UBE2W: variants seen among roughly 807,000 people sequenced by gnomAD.
UBE2W encodes ubiquitin conjugating enzyme E2 W.
In UBE2W, 18 loss-of-function variants were observed where a neutral mutation model predicts 27.2. The ratio of observed to expected loss-of-function variants is 0.66; its 90% CI spans 0.46 to 0.98. The LOEUF is 0.98. Ranked by LOEUF, UBE2W falls within the 50% of genes least tolerant of loss-of-function variation. The pLI, the probability that UBE2W is intolerant of heterozygous loss-of-function variation, is 0.00. For missense variants in UBE2W, 90 were observed against 180.2 expected, an observed-to-expected ratio of 0.50 and a Z score of 2.87; for synonymous variants, 53 against 57.2, an observed-to-expected ratio of 0.93 and a Z score of 0.33.
intron 5 of UBE2W, among the ~76,000 whole-genome samples, chr8:73,795,248 C>G (rs1808365446): frequency 6.6e-6 from 1 of 152,124 alleles, no homozygotes; most frequent in South Asian, 2.1e-4. Context: ...GGAGAGGGGC[C>G]TAATGGGGAG....
Position 73,790,357 on chromosome 8 carries a change from AC to A in UBE2W, c.*3744del, listed in dbSNP as rs1808140368. On this transcript the variant is annotated 3_prime_UTR_variant, in exon 6 of 6. Transcript: ENST00000602593. ...GGCCAGTTGGTGCAGATTAAAAGAC[AC>A]CTTCTTCACAGACCTCAATCATGCA... 5.1e-6 allele frequency: 5 copies of A among 985,284 alleles called. No homozygotes were observed. The highest frequency in any genetic ancestry group is 6.0e-6 in the Non-Finnish European group (5 of 829,942). 61.0% of individuals were successfully genotyped at this position (985,284 alleles called of 1,614,324 possible). A position where few individuals can be genotyped will look rare whatever the true frequency, so the allele number is the denominator to read the frequency against.
intron 1 of UBE2W, among the ~76,000 whole-genome samples, chr8:73,836,110 C>T (rs2130918970): frequency 6.6e-6 from 1 of 152,302 alleles, no homozygotes; most frequent in South Asian, 2.1e-4. Context: ...TAATACAGGA[C>T]CACTGCTCCA....
chr8:73,867,842 A>G lies in UBE2W; in HGVS notation c.15+10966T>C, dbSNP rs979379453. On this transcript the variant is annotated intron_variant, in intron 1 of 5. Coordinates refer to ENST00000602593, the MANE Select transcript of UBE2W (RefSeq NM_018299.6). Reference sequence around the variant, plus strand: ...TAGTGAAATGCAAACCAAAACCACAATGAGATGCCACTTCACACTAGGATG... The same window carrying G: ...TAGTGAAATGCAAACCAAAACCACAGTGAGATGCCACTTCACACTAGGATG... 2.6e-5 allele frequency among the ~76,000 whole-genome samples: 4 copies of G among 152,164 alleles called. No individual in the cohort carries two copies. In the South Asian group the frequency reaches 6.2e-4, roughly 24 times the overall value.
chr8:73,794,177 G>T, intron 5 of UBE2W, 62 bp from the exon 6 acceptor site: 1 of 1,568,642 alleles, frequency 6.4e-7, no homozygotes, highest in Non-Finnish European at 8.7e-7. Context: ...AATTCTACAA[G>T]TCTGTTTAAT....
chr8:73,858,979 CGTGTGTGTGTGT>C (rs59095956), intron 1 of UBE2W, among the ~76,000 whole-genome samples: 4,315 of 126,006 alleles, frequency 0.034, 214 homozygotes, highest in African/African-American at 0.11. Context: ...GGGGTTTTTG[CGTGTGTGTGTGT>C]GTGTGTGTGT....
chr8:73,816,871 CA>C (rs1451489477), intron 3 of UBE2W, among the ~76,000 whole-genome samples: 2 of 151,976 alleles, frequency 1.3e-5, no homozygotes, highest in African/African-American at 4.8e-5. Context: ...TTGTCTCTAA[CA>C]AAAATACAAA....
chr8:73,863,703 A>G (rs1811624168), intron 1 of UBE2W, among the ~76,000 whole-genome samples: 1 of 151,954 alleles, frequency 6.6e-6, no homozygotes, highest in African/African-American at 2.4e-5. Context: ...GGGTGCAGTG[A>G]GCCGAGATCA....
chr8:73,839,845 C>A (rs1443447925), intron 1 of UBE2W, among the ~76,000 whole-genome samples: 1 of 149,786 alleles, frequency 6.7e-6, no homozygotes, highest in Non-Finnish European at 1.5e-5. Flanking sequence ...GATTCTCATG[C>A]CTCAGCCTCC....
chr8:73,840,345 C>T (rs1222056354), intron 1 of UBE2W, among the ~76,000 whole-genome samples: 1 of 152,184 alleles, frequency 6.6e-6, no homozygotes. Flanking sequence ...CATGAGACAC[C>T]ACATCCAGCC....
At chr8:73,877,813 C>A (rs1487719845) in intron 1 of UBE2W, among the ~76,000 whole-genome samples, 1 of 151,972 alleles carries the variant, frequency 6.6e-6, no homozygotes, top group African/African-American at 2.4e-5. Context: ...CCCTGCACAA[C>A]TACAATTGTG....
chr8:73,828,817 T>G (rs1809957502), intron 2 of UBE2W, among the ~76,000 whole-genome samples: 1 of 152,192 alleles, frequency 6.6e-6, no homozygotes, highest in South Asian at 2.1e-4. Flanking sequence ...AATAAATTAT[T>G]GTTGACTATA....
chr8:73,844,027 T>A (rs1381096096), intron 1 of UBE2W, among the ~76,000 whole-genome samples: 1 of 152,104 alleles, frequency 6.6e-6, no homozygotes, highest in Non-Finnish European at 1.5e-5. Context: ...TGCCTGAGAA[T>A]CTCCCAGAAT....
intron 1 of UBE2W, among the ~76,000 whole-genome samples, chr8:73,873,960 A>C (rs1282678564): frequency 2.0e-5 from 3 of 152,216 alleles, no homozygotes; most frequent in Non-Finnish European, 4.4e-5. Context: ...AGGAGGTTTT[A>C]TCTAAAATTA....
chr8:73,810,708 T>C, intron 3 of UBE2W, 79 bp from the exon 4 acceptor site: 1 of 1,196,152 alleles, frequency 8.4e-7, no homozygotes, highest in Non-Finnish European at 1.1e-6. Flanking sequence ...ATATAACAAA[T>C]ATTGATTATA....
chr8:73,859,565 T>G (rs1314912639), intron 1 of UBE2W, among the ~76,000 whole-genome samples: 1 of 152,206 alleles, frequency 6.6e-6, no homozygotes, highest in African/African-American at 2.4e-5. Flanking sequence ...TACTTTATTG[T>G]AAGAATAGAG....
intron 1 of UBE2W, among the ~76,000 whole-genome samples, chr8:73,857,919 G>A (rs1464630242): frequency 6.6e-6 from 1 of 152,140 alleles, no homozygotes; most frequent in African/African-American, 2.4e-5. Flanking sequence ...GAATGATTCT[G>A]AGATTTTCAG....
In UBE2W at chr8:73,793,939, A is replaced by C; in HGVS notation, c.*163T>G. 1 of 1,453,162 alleles carries C rather than the reference A, an allele frequency of 6.9e-7. No homozygotes were observed. Among genetic ancestry groups the C allele is most frequent in the Non-Finnish European group, 9.1e-7 (1 of 1,101,314 alleles). 90.0% of individuals were successfully genotyped at this position (1,453,162 alleles called of 1,614,324 possible). ...GTTGCCTGGACTGAACCAGCGATCA[A>C]CATGCGCCCAGAATGCACACGAGTA... On this transcript the variant is annotated 3_prime_UTR_variant, in exon 6 of 6. Coordinates refer to ENST00000602593, the MANE Select transcript of UBE2W (RefSeq NM_018299.6).
intron 3 of UBE2W, among the ~76,000 whole-genome samples, chr8:73,811,950 T>TTA (rs941509453): frequency 1.3e-5 from 2 of 152,092 alleles, no homozygotes; most frequent in Non-Finnish European, 2.9e-5. Context: ...TAAGCTAAGT[T>TTA]TTATATATAT....
intron 4 of UBE2W, among the ~76,000 whole-genome samples, chr8:73,806,249 G>A (rs1808901557): frequency 6.6e-6 from 1 of 152,068 alleles, no homozygotes; most frequent in Non-Finnish European, 1.5e-5. Flanking sequence ...AACATAGCCG[G>A]GCGCAGTGGT....
Sources: gnomAD v4.1 joint callset for allele counts (sites outside exome capture counted in the v4.1 genomes callset) on GRCh38, gnomAD v4.1.1 for gene constraint, MANE v1.5 for transcripts, NCBI Gene and HGNC (gene_info 2026-07-23, HGNC 2026-07-21) for gene names.